Variants in ARID4A observed in about 807,000 individuals in gnomAD.
ARID4A encodes the protein AT-rich interactive domain-containing protein 4A.
Under a neutral mutation model 148.6 loss-of-function variants are expected in ARID4A, and 39 were observed. The ratio of observed to expected loss-of-function variants is 0.26; its 90% confidence interval spans 0.20 to 0.34. ARID4A has a LOEUF of 0.34. Ranked by LOEUF, ARID4A falls within the 10% of genes least tolerant of loss-of-function variation. The probability of loss-of-function intolerance (pLI) is 1.00; values close to 1 mark genes in which losing one functional copy is unlikely to be tolerated. For missense variants in ARID4A, 1,265 were observed against 1,449.1 expected, an observed-to-expected ratio of 0.87 and a Z score of 2.06; for synonymous variants, 475 against 481.2, an observed-to-expected ratio of 0.99 and a Z score of 0.17.
At chr14:58,322,033 C>T (rs1052504798) in intron 7 of ARID4A, among the ~76,000 whole-genome samples, 8 of 151,558 alleles carry the variant, frequency 5.3e-5, no homozygotes, top group African/African-American at 1.5e-4. Context: ...TGTAGTGGTG[C>T]GATCTTGGCT....
chr14:58,306,576 C>G (rs1231974141), intron 5 of ARID4A, among the ~76,000 whole-genome samples: 1 of 152,140 alleles, frequency 6.6e-6, no homozygotes, highest in East Asian at 1.9e-4. Context: ...AGTGTGGGTG[C>G]TCATATTAAC....
chr14:58,345,201 C>A (rs2034302536), intron 12 of ARID4A, among the ~76,000 whole-genome samples: 1 of 152,018 alleles, frequency 6.6e-6, no homozygotes, highest in Non-Finnish European at 1.5e-5. Context: ...TAAATAAATC[C>A]TAGAATCAGT....
At chr14:58,310,211 A>AGTTTTTTTTT (rs530974878) in intron 5 of ARID4A, among the ~76,000 whole-genome samples, 1 of 151,386 alleles carries the variant, frequency 6.6e-6, no homozygotes, top group African/African-American at 2.4e-5. Context: ...AGATTCCTGG[A>AGTTTTTTTTT]GTTTTTTTTT....
rs139620680 is a variant in ARID4A at position 58,336,628 on chromosome 14, C to T, written c.906+6459C>T. On this transcript the variant is annotated intron_variant, in intron 11 of 23. Transcript: ENST00000355431. The stretch of plus-strand genomic sequence containing the variant: ...ACCTTTCATTATACCACTATTAAAA[C>T]GTTTACCTTTTGTAGGAGATACAAA... Among the ~76,000 whole-genome samples, 291 of 152,226 alleles carry T rather than the reference C, an allele frequency of 1.9e-3. 1 individual carries two copies. The highest frequency in any genetic ancestry group is 3.4e-3 in the Admixed American group (52 of 15,288).
Position 58,359,288 on chromosome 14 carries a change from A to C in ARID4A, c.1938+72A>C. ...CAAATTGTATTGTGTGTTTTTTAAGACTTTAAGAACAGTTTTAGGTTTATA... is the reference window on the plus strand; with the variant it reads ...CAAATTGTATTGTGTGTTTTTTAAGCCTTTAAGAACAGTTTTAGGTTTATA... On this transcript the variant is annotated intron_variant, in intron 18 of 23. Transcript: ENST00000355431. The C allele has an allele frequency of 2.1e-6, 3 of 1,419,182 alleles. No homozygotes were observed. The East Asian group carries it at 7.0e-5, about 33-fold the overall frequency. The allele number at this position is 1,419,182 out of a possible 1,614,324, so 87.9% of individuals were successfully genotyped here.
chr14:58,308,623 G>A (rs2140141707), intron 5 of ARID4A, among the ~76,000 whole-genome samples: 1 of 152,260 alleles, frequency 6.6e-6, no homozygotes, highest in South Asian at 2.1e-4. Flanking sequence ...AGAGTATAAT[G>A]ACCTGAGTTA....
Position 58,372,315 on chromosome 14 carries a change from T to C in ARID4A, c.*326T>C. ...ATAAAGCTTTCAGGTGTTACAGAAA[T>C]CGTAGACAAGCAAGTGCACATGATA... On this transcript the variant is annotated 3_prime_UTR_variant, in exon 24 of 24. Transcript: ENST00000355431. 3.5e-6 allele frequency: 1 copy of C among 286,170 alleles called. No individual in the cohort carries two copies. The highest frequency in any genetic ancestry group is 5.5e-5 in the East Asian group (1 of 18,220). The allele number at this position is 286,170 out of a possible 1,614,324, so 17.7% of individuals were successfully genotyped here.
chr14:58,299,623 T>TG, intron 1 of ARID4A, 175 bp from the exon 2 acceptor site: 2 of 599,818 alleles, frequency 3.3e-6, no homozygotes, highest in South Asian at 3.9e-5. Flanking sequence ...TTGGCGCTCG[T>TG]GGGGTTCTCG....
chr14:58,340,646 G>A (rs1255476367), intron 11 of ARID4A, among the ~76,000 whole-genome samples: 1 of 151,962 alleles, frequency 6.6e-6, no homozygotes, highest in Non-Finnish European at 1.5e-5. Context: ...CACTGTGCCC[G>A]GCCTAATTTT....
At chr14:58,345,831 A>G (rs1291849850) in intron 12 of ARID4A, among the ~76,000 whole-genome samples, 1 of 144,884 alleles carries the variant, frequency 6.9e-6, no homozygotes, top group African/African-American at 2.6e-5. Flanking sequence ...CCTGGGCTTA[A>G]GCAGTCCTCC....
At chr14:58,321,350 C>A (rs561533719) in intron 7 of ARID4A, among the ~76,000 whole-genome samples, 6 of 152,190 alleles carry the variant, frequency 3.9e-5, no homozygotes, top group Admixed American at 3.3e-4. Context: ...TAATGAAATT[C>A]TTTTCCTAAC....
chr14:58,318,021 AAAAG>A (rs2032585618), intron 5 of ARID4A, among the ~76,000 whole-genome samples: 1 of 152,144 alleles, frequency 6.6e-6, no homozygotes. Flanking sequence ...CTTTTCTAAC[AAAAG>A]AAAGAACTTG....
rs7149174 is a variant in ARID4A at position 58,310,797 on chromosome 14, G to C, written c.274+4685G>C. Among the ~76,000 whole-genome samples, 426 of 150,774 alleles carry C rather than the reference G, an allele frequency of 2.8e-3. 2 individuals carry two copies. Among genetic ancestry groups the C allele is most frequent in the African/African-American group, 8.8e-3 (359 of 40,996 alleles). ...ACCTGGGATTACATCAAACTAAATAGCTTCCACACAGCAAAAGAAACAATC... is the reference window on the plus strand; with the variant it reads ...ACCTGGGATTACATCAAACTAAATACCTTCCACACAGCAAAAGAAACAATC... On this transcript the variant is annotated intron_variant, in intron 5 of 23. Coordinates refer to ENST00000355431, the MANE Select transcript of ARID4A (RefSeq NM_002892.4).
intron 2 of ARID4A, among the ~76,000 whole-genome samples, chr14:58,300,190 T>C (rs995290482): frequency 6.6e-6 from 1 of 152,184 alleles, no homozygotes; most frequent in Admixed American, 6.5e-5. Flanking sequence ...GGGGGATTTT[T>C]TGTAAATTTT....
chr14:58,330,289 A>G (rs776555190), intron 11 of ARID4A, 120 bp downstream of exon 11: 22 of 1,390,254 alleles, frequency 1.6e-5, no homozygotes, highest in Non-Finnish European at 2.0e-5. Context: ...CGTTTCTAGC[A>G]TTGCTTAATT....
intron 2 of ARID4A, 87 bp downstream of exon 2, chr14:58,299,947 T>C (rs2030996154): frequency 1.3e-6 from 2 of 1,578,152 alleles, no homozygotes; most frequent in African/African-American, 2.7e-5. Context: ...TTTGTTTTGC[T>C]ACTCAAAATT....
intron 19 of ARID4A, among the ~76,000 whole-genome samples, chr14:58,363,299 C>T (rs1164775730): frequency 1.3e-5 from 2 of 152,180 alleles, no homozygotes; most frequent in Non-Finnish European, 2.9e-5. Flanking sequence ...TCTTAGAACC[C>T]TACTTTACTA....
At chr14:58,300,144 T>A (rs544029891) in intron 2 of ARID4A, among the ~76,000 whole-genome samples, 1 of 152,204 alleles carries the variant, frequency 6.6e-6, no homozygotes, top group Non-Finnish European at 1.5e-5. Context: ...CAGCAACCTT[T>A]GCAGAAGTAA....
rs767752029 is a variant in ARID4A, at chr14:58,347,846, G to A, written c.1372G>A (p.Glu458Lys). 7.4e-6 allele frequency: 12 copies of A among 1,612,646 alleles called. No homozygotes were observed. Among genetic ancestry groups the A allele is most frequent in the Non-Finnish European group, 1.0e-5 (12 of 1,179,342 alleles). ...AAATATCGATTCAAACAGTGAAAGT[G>A]AAAGAGAAGAGATAGAATTAAAATC... is the stretch of plus-strand genomic sequence containing the variant. ...EENIDSNSES[E>K]REEIELKSPR... Residue 458 changes from glutamate (E) to lysine (K), a missense_variant, in exon 15 of 24, where the codon GAA (glutamate) becomes AAA (lysine). Transcript: ENST00000355431.
Sources: allele counts gnomAD v4.1 joint callset (sites outside exome capture counted in the v4.1 genomes callset), GRCh38; gene constraint gnomAD v4.1.1; transcripts MANE v1.5; gene names NCBI Gene and HGNC (gene_info 2026-07-23, HGNC 2026-07-21).